The following MAP3K5 variants were observed in gnomAD, a reference collection of about 807,000 sequenced individuals.
The protein encoded by MAP3K5 is mitogen-activated protein kinase kinase kinase 5.
Under a neutral mutation model 158.7 loss-of-function variants are expected in MAP3K5, and 56 were observed. The ratio of observed to expected loss-of-function variants is 0.35; its 90% CI spans 0.28 to 0.44. The LOEUF (loss-of-function observed/expected upper bound fraction) is 0.44. Ranked by LOEUF, MAP3K5 falls within the 20% of genes least tolerant of loss-of-function variation. MAP3K5 has a pLI of 1.00. For synonymous variants in MAP3K5, 579 were observed against 601.7 expected (o/e 0.96, Z 0.55); for missense variants, 1,294 against 1,674.8 (o/e 0.77, Z 3.97).
At chr6:136,698,421 T>C in intron 4 of MAP3K5, 68 bp downstream of exon 4, 2 of 1,361,438 alleles carry the variant, frequency 1.5e-6, no homozygotes, top group South Asian at 1.3e-5. Context: ...CCTGATATCA[T>C]GCACAAATAA....
chr6:136,673,001 AAAAAG>A (rs1487826417), intron 7 of MAP3K5, among the ~76,000 whole-genome samples: 41 of 151,158 alleles, frequency 2.7e-4, no homozygotes, highest in Admixed American at 1.3e-4. Flanking sequence ...AAAAAAAAAA[AAAAAG>A]AAAAAGAAAA....
At chr6:136,571,000 G>C (rs186317111) in intron 25 of MAP3K5, among the ~76,000 whole-genome samples, 12 of 152,180 alleles carry the variant, frequency 7.9e-5, no homozygotes. Context: ...TCTGGAGAGA[G>C]TCCACAACCA....
intron 1 of MAP3K5, among the ~76,000 whole-genome samples, chr6:136,722,287 A>G (rs1020872404): frequency 6.6e-6 from 1 of 152,366 alleles, no homozygotes; most frequent in East Asian, 1.9e-4. Flanking sequence ...GAAGCCATTC[A>G]TAATTACAAT....
chr6:136,766,942 C>T (rs1456489854), intron 1 of MAP3K5, among the ~76,000 whole-genome samples: 1 of 152,118 alleles, frequency 6.6e-6, no homozygotes, highest in Non-Finnish European at 1.5e-5. Flanking sequence ...TAGATTTCCA[C>T]TATCAAATTT....
chr6:136,612,652 C>G (rs1776393603), intron 17 of MAP3K5, among the ~76,000 whole-genome samples: 1 of 152,050 alleles, frequency 6.6e-6, no homozygotes, highest in Admixed American at 6.5e-5. Context: ...AGAATCTATA[C>G]CTTATAATTA....
chr6:136,744,240 C>T (rs1782835413), intron 1 of MAP3K5, among the ~76,000 whole-genome samples: 1 of 152,052 alleles, frequency 6.6e-6, no homozygotes, highest in Admixed American at 6.6e-5. Flanking sequence ...ATATTAACAG[C>T]AGAGGAGGCT....
At chr6:136,740,680 C>T (rs772831200) in intron 1 of MAP3K5, among the ~76,000 whole-genome samples, 2 of 152,164 alleles carry the variant, frequency 1.3e-5, no homozygotes, top group Non-Finnish European at 2.9e-5. Context: ...CATAATCCCA[C>T]CATTAACCAG....
upstream of MAP3K5, chr6:136,792,490 C>G: frequency 1.6e-6 from 1 of 626,662 alleles, no homozygotes; most frequent in Non-Finnish European, 2.0e-6. This position sits in a 1 kb window ranked among gnomAD's most constrained non-coding sequence, Gnocchi z 5.7. Context: ...AAACCTGCGC[C>G]GCGGTGCAGC....
rs1416259556 is a variant in MAP3K5, at chr6:136,697,209, A to G, written c.975+10T>C. 2 of 1,604,574 alleles carry G rather than the reference A, an allele frequency of 1.2e-6. No individual in the cohort carries two copies. The highest frequency in any genetic ancestry group is 1.1e-5 in the South Asian group (1 of 89,920). On this transcript the variant is annotated intron_variant, in intron 5 of 29. Transcript: ENST00000359015. ...ACACAACAAAGATTTCACTTTAAAC[A>G]TCTTCTCACCTGGATATCTCTGTAG...
At chr6:136,771,134 G>A (rs556772309) in intron 1 of MAP3K5, among the ~76,000 whole-genome samples, 1 of 152,120 alleles carries the variant, frequency 6.6e-6, no homozygotes, top group African/African-American at 2.4e-5. Flanking sequence ...ACAGCTCTGA[G>A]GTCTGGGCTA....
chr6:136,577,029 T>C (rs1291539209), intron 25 of MAP3K5, among the ~76,000 whole-genome samples: 1 of 152,050 alleles, frequency 6.6e-6, no homozygotes, highest in Non-Finnish European at 1.5e-5. Flanking sequence ...AATGACAAAA[T>C]TGCCTAAGGA....
At chr6:136,560,171 A>G (rs899039575) in intron 28 of MAP3K5, among the ~76,000 whole-genome samples, 1 of 152,208 alleles carries the variant, frequency 6.6e-6, no homozygotes, top group African/African-American at 2.4e-5. Context: ...AACAAATGCT[A>G]TTCACGCTCA....
intron 7 of MAP3K5, among the ~76,000 whole-genome samples, chr6:136,674,672 T>A (rs868622797): frequency 1.3e-5 from 2 of 152,016 alleles, no homozygotes. Flanking sequence ...CAAATTAGAC[T>A]GAACAATAAC....
At chr6:136,721,933 T>C (rs561898468) in intron 1 of MAP3K5, among the ~76,000 whole-genome samples, 4 of 152,320 alleles carry the variant, frequency 2.6e-5, no homozygotes, top group Non-Finnish European at 5.9e-5. Flanking sequence ...ATAGAGAATA[T>C]ATGTTTCATA....
At chr6:136,675,572 G>A (rs570942250) in intron 7 of MAP3K5, among the ~76,000 whole-genome samples, 138 of 152,064 alleles carry the variant, frequency 9.1e-4, no homozygotes, top group Non-Finnish European at 1.6e-3. Context: ...TATTTAAACT[G>A]AACAATATAT....
intron 1 of MAP3K5, among the ~76,000 whole-genome samples, chr6:136,777,391 G>C (rs373753484): frequency 6.6e-6 from 1 of 152,156 alleles, no homozygotes; most frequent in Non-Finnish European, 1.5e-5. Context: ...CAGGGTCTCC[G>C]TTTGCCCAGG....
chr6:136,734,421 G>GAAA (rs1016817563), intron 1 of MAP3K5, among the ~76,000 whole-genome samples: 3,803 of 56,632 alleles, frequency 0.067, 412 homozygotes, highest in African/African-American at 0.25. Context: ...CTCTGTCTCG[G>GAAA]AAAAAAAAAA....
At chr6:136,777,319 A>C (rs982170547) in intron 1 of MAP3K5, among the ~76,000 whole-genome samples, 34 of 152,350 alleles carry the variant, frequency 2.2e-4, no homozygotes, top group Middle Eastern at 3.4e-3. Context: ...TATACAGTAA[A>C]CACTGGGTCA....
At chr6:136,754,097 AC>A (rs1355926551) in intron 1 of MAP3K5, among the ~76,000 whole-genome samples, 1 of 151,472 alleles carries the variant, frequency 6.6e-6, no homozygotes. Context: ...GCATGATGAA[AC>A]CCCATCTCTA....
Sources: allele counts gnomAD v4.1 joint callset (sites outside exome capture counted in the v4.1 genomes callset), GRCh38; gene constraint gnomAD v4.1.1; non-coding constraint Gnocchi (gnomAD v3.1); transcripts MANE v1.5; gene names NCBI Gene and HGNC (gene_info 2026-07-23, HGNC 2026-07-21).